Variants in DPP6 observed in about 807,000 individuals in gnomAD.
The protein encoded by DPP6 is dipeptidyl peptidase like 6.
A neutral mutation model predicts 122.6 loss-of-function variants in DPP6; 69 were observed. The ratio of observed to expected loss-of-function variants is 0.56; its 90% CI spans 0.46 to 0.69. The LOEUF is 0.69. Among genes scored for constraint, DPP6 ranks in the 30% least tolerant of loss-of-function variants. DPP6 has a pLI of 0.00. For missense variants in DPP6, 928 were observed against 1,116.9 expected (o/e 0.83, Z 2.41); for synonymous variants, 418 against 433.1 (o/e 0.97, Z 0.43).
At chr7:154,726,471 TG>T (rs1234894263) in intron 7 of DPP6, among the ~76,000 whole-genome samples, 1 of 152,190 alleles carries the variant, frequency 6.6e-6, no homozygotes, top group Non-Finnish European at 1.5e-5. Context: ...CAGCCTGAGC[TG>T]TACCTTGGCC....
intron 1 of DPP6, chr7:154,059,359 C>T (rs758833859): frequency 6.4e-6 from 1 of 155,818 alleles, no homozygotes; most frequent in Non-Finnish European, 1.4e-5. Context: ...TCCTAAGATC[C>T]TTAGGACCCA....
At chr7:154,470,975 G>A (rs780406418) in intron 2 of DPP6, among the ~76,000 whole-genome samples, 1 of 152,206 alleles carries the variant, frequency 6.6e-6, no homozygotes, top group Non-Finnish European at 1.5e-5. Flanking sequence ...CTGCAGCCGG[G>A]CATGGTAGCT....
At chr7:153,949,274 G>A (rs942802613) in intron 1 of DPP6, among the ~76,000 whole-genome samples, 1 of 152,250 alleles carries the variant, frequency 6.6e-6, no homozygotes, top group Admixed American at 6.5e-5. Flanking sequence ...AGATGTGGCA[G>A]TAGCGCCTGG....
At chr7:154,307,302 C>T (rs555196712) in intron 1 of DPP6, among the ~76,000 whole-genome samples, 37 of 152,280 alleles carry the variant, frequency 2.4e-4, no homozygotes, top group African/African-American at 8.4e-4. Flanking sequence ...ATCCCATGTC[C>T]TTGAACCTAT....
At chr7:154,799,988 CT>C (rs1255700699) in intron 12 of DPP6, among the ~76,000 whole-genome samples, 2 of 152,202 alleles carry the variant, frequency 1.3e-5, no homozygotes, top group Non-Finnish European at 2.9e-5. Flanking sequence ...AAAAACAATG[CT>C]TCTGGCCAGA....
At chr7:153,995,121 G>T (rs1797362070) in intron 1 of DPP6, among the ~76,000 whole-genome samples, 1 of 152,228 alleles carries the variant, frequency 6.6e-6, no homozygotes, top group Non-Finnish European at 1.5e-5. Context: ...CTTCACTGCA[G>T]TTGCTAGAAG....
chr7:153,794,346 G>A, the DPP6 span, among the ~76,000 whole-genome samples: 104 of 152,350 alleles, frequency 6.8e-4, no homozygotes, highest in African/African-American at 2.5e-3. Context: ...GAGACAGGGA[G>A]TCAAAGGAGA....
intron 1 of DPP6, among the ~76,000 whole-genome samples, chr7:154,373,890 T>G (rs532380745): frequency 6.6e-6 from 1 of 152,330 alleles, no homozygotes; most frequent in South Asian, 2.1e-4. Flanking sequence ...GTATTTGTCC[T>G]TTGTGCCTGG....
intron 1 of DPP6, among the ~76,000 whole-genome samples, chr7:154,260,164 G>T (rs550898467): frequency 2.0e-5 from 3 of 152,162 alleles, no homozygotes; most frequent in Non-Finnish European, 2.9e-5. Flanking sequence ...CAAGTCTGTG[G>T]GGTGGGAGCG....
chr7:154,112,017 T>C (rs1040153798), intron 1 of DPP6, among the ~76,000 whole-genome samples: 14 of 152,152 alleles, frequency 9.2e-5, no homozygotes, highest in African/African-American at 3.4e-4. Context: ...ATTTTCCAAT[T>C]TGCCCTCCTT....
At chr7:154,137,658 T>TGGGGGGGTGGGG (rs1795634218) in intron 1 of DPP6, among the ~76,000 whole-genome samples, 1 of 48,384 alleles carries the variant, frequency 2.1e-5, no homozygotes. Flanking sequence ...GGTGGGGGGG[T>TGGGGGGGTGGGG]GGGGGGGGTG....
chr7:154,462,470 A>G (rs964057881), intron 2 of DPP6, among the ~76,000 whole-genome samples: 1 of 152,148 alleles, frequency 6.6e-6, no homozygotes, highest in Non-Finnish European at 1.5e-5. Flanking sequence ...AATTTTAACA[A>G]TATTGATTCT....
At chr7:154,594,949 G>C (rs1833004875) in intron 5 of DPP6, among the ~76,000 whole-genome samples, 1 of 152,116 alleles carries the variant, frequency 6.6e-6, no homozygotes, top group African/African-American at 2.4e-5. Flanking sequence ...GCCAGGGTGT[G>C]TGTATAAGGG....
chr7:154,061,511 AG>A (rs1251383312), intron 1 of DPP6, among the ~76,000 whole-genome samples: 1 of 147,124 alleles, frequency 6.8e-6, no homozygotes, highest in African/African-American at 2.5e-5. Flanking sequence ...TAGTACAAGA[AG>A]CAAATAAGCT....
chr7:154,662,470 G>T (rs34026684), intron 6 of DPP6, among the ~76,000 whole-genome samples: 20,631 of 38,454 alleles, frequency 0.54, 7,437 homozygotes, highest in Non-Finnish European at 0.75. Flanking sequence ...CGTATCAGCC[G>T]TAGTGTTCAT....
intron 1 of DPP6, among the ~76,000 whole-genome samples, chr7:154,129,832 A>G (rs975859119): frequency 3.3e-5 from 5 of 151,972 alleles, no homozygotes; most frequent in South Asian, 2.1e-4. Flanking sequence ...CCCAGGAGGC[A>G]GAGCTTGCAG....
intron 7 of DPP6, among the ~76,000 whole-genome samples, chr7:154,695,797 C>T (rs1239402280): frequency 6.6e-6 from 1 of 152,114 alleles, no homozygotes; most frequent in Non-Finnish European, 1.5e-5. Context: ...CGGCACGTGG[C>T]CTGTCTGGAA....
chr7:154,135,343 G>T (rs374211859), intron 1 of DPP6, among the ~76,000 whole-genome samples: 2 of 151,882 alleles, frequency 1.3e-5, no homozygotes, highest in South Asian at 2.1e-4. Flanking sequence ...CACTTCCTGT[G>T]AGCTCACACT....
Position 154,158,462 on chromosome 7 carries a change from C to CT in DPP6, c.243+105406dup, listed in dbSNP as rs201701260. Among the ~76,000 whole-genome samples the CT allele has an allele frequency of 4.2e-4, 38 of 90,526 alleles. 1 individual carries two copies. In the East Asian group the frequency reaches 0.016, roughly 39 times the overall value. 59.4% of individuals were successfully genotyped at this position (90,526 alleles called of 152,430 possible). ...CTAAGGTCTCTTGTCCTGTTTCTTC[C>CT]TTTTTTTAAAAAAAAAATCTCCTAA... On this transcript the variant is annotated intron_variant, in intron 1 of 25. Transcript: ENST00000377770.
Sources: gnomAD v4.1 joint callset for allele counts (sites outside exome capture counted in the v4.1 genomes callset) on GRCh38, gnomAD v4.1.1 for gene constraint, MANE v1.5 for transcripts, NCBI Gene and HGNC (gene_info 2026-07-23, HGNC 2026-07-21) for gene names.